Variants in RPL14 observed in about 807,000 individuals in gnomAD.
RPL14 encodes large ribosomal subunit protein eL14.
Under a neutral mutation model 25.3 loss-of-function variants are expected in RPL14, and 4 were observed. That is an observed-to-expected ratio of 0.16 (90% CI 0.08 to 0.36). RPL14 has a LOEUF of 0.36. RPL14 is among the 10% of genes least tolerant of loss of function. The pLI is 1.00. For synonymous variants in RPL14, 75 were observed against 89.8 expected (o/e 0.84, Z 0.93); for missense variants, 212 against 261.9 (o/e 0.81, Z 1.31).
intron 3 of RPL14, among the ~76,000 whole-genome samples, chr3:40,460,951 C>G (rs1414090143): frequency 6.6e-6 from 1 of 152,090 alleles, no homozygotes; most frequent in Non-Finnish European, 1.5e-5. Flanking sequence ...AATCCCAGCA[C>G]TTCAGGAGGC....
chr3:40,461,187 CCT>C (rs1353006769), intron 3 of RPL14, among the ~76,000 whole-genome samples: 2 of 150,678 alleles, frequency 1.3e-5, no homozygotes, highest in Admixed American at 1.3e-4. Flanking sequence ...CAAGCAAGAT[CCT>C]CTCTCAAAAA....
rs1373375501 is a variant in RPL14 at position 40,465,172 on chromosome 3, CG to C, written c.*2941del. ...GGGTAGGATGACAACAATCAAGAGA[CG>C]AATAGAGGTTGGAAAGGAGTCATGA... On this transcript the variant is annotated 3_prime_UTR_variant, in exon 6 of 6. Transcript: ENST00000396203. The C allele has an allele frequency of 2.6e-5, 4 of 151,436 alleles. No individual in the cohort carries two copies. The highest frequency in any genetic ancestry group is 1.3e-4 in the Admixed American group (2 of 15,194). The allele number at this position is 151,436 out of a possible 1,614,324, so 9.4% of individuals were successfully genotyped here. A position where few individuals can be genotyped will look rare whatever the true frequency, so the allele number is the denominator to read the frequency against.
Position 40,458,730 on chromosome 3 carries a change from C to T in RPL14, c.194C>T (p.Pro65Leu), listed in dbSNP as rs1171313476. The T allele has an allele frequency of 6.2e-7, 1 of 1,613,712 alleles. No individual in the cohort carries two copies. Reference protein sequence around the residue: ...MQLTDFILKFPHSAHQKYVRQ... With the variant: ...MQLTDFILKFLHSAHQKYVRQ... ...CTCACTGATTTCATCCTCAAGTTTC[C>T]GCACAGGTAACTGTCCACTAATCAC... Residue 65 changes from proline (P) to leucine (L), a missense_variant, in exon 3 of 6, where the codon CCG (proline) becomes CTG (leucine). Physicochemically the swap from Pro to Leu is moderately conservative, Grantham distance 98. Transcript: ENST00000396203.
At position 40,457,359 on chromosome 3, in the gene RPL14, A is replaced by T. The variant is rs146294993; in HGVS notation, c.-113A>T. ...TCTTCCTTCTCGCCTAACGCCGCCAACATGGTGAGTCTTACTGTTGCGGGC... is the reference window on the plus strand; with the variant it reads ...TCTTCCTTCTCGCCTAACGCCGCCATCATGGTGAGTCTTACTGTTGCGGGC... On this transcript the variant is annotated 5_prime_UTR_variant, in exon 1 of 6. Transcript: ENST00000396203. The T allele has an allele frequency of 1.2e-6, 2 of 1,607,094 alleles. No individual in the cohort carries two copies. The highest frequency in any genetic ancestry group is 8.5e-7 in the Non-Finnish European group (1 of 1,176,858).
intron 2 of RPL14, 185 bp downstream of exon 2, chr3:40,458,176 T>G: frequency 1.6e-6 from 1 of 610,582 alleles, no homozygotes; most frequent in African/African-American, 1.8e-5. Flanking sequence ...AGTATTGAAT[T>G]TCAGTATTAG....
chr3:40,459,976 A>G (rs1198751283), intron 3 of RPL14, among the ~76,000 whole-genome samples: 1 of 152,046 alleles, frequency 6.6e-6, no homozygotes, highest in African/African-American at 2.4e-5. Flanking sequence ...CACTTGAACA[A>G]CCTCGAGTGA....
In RPL14 at chr3:40,463,979, T is replaced by TC. The variant is rs1696990659; in HGVS notation, c.*1747_*1748insC. Reference sequence around the variant, plus strand: ...TGTACATGAAACAGGATTACTTTTTTTTTTTTTTTTGAGACAGAGCCTTAC... The same window carrying TC: ...TGTACATGAAACAGGATTACTTTTTTCTTTTTTTTTTGAGACAGAGCCTTAC... On this transcript the variant is annotated 3_prime_UTR_variant, in exon 6 of 6. Transcript: ENST00000396203. The TC allele has an allele frequency of 6.5e-6, 1 of 153,646 alleles. No homozygotes were observed. The highest frequency in any genetic ancestry group is 2.4e-5 in the African/African-American group (1 of 41,328). The allele number at this position is 153,646 out of a possible 1,614,324, so 9.5% of individuals were successfully genotyped here.
Position 40,468,067 on chromosome 3 carries a change from G to A in RPL14, c.*5835G>A, listed in dbSNP as rs1697053772. The A allele has an allele frequency of 6.6e-6, 1 of 152,172 alleles. No individual in the cohort carries two copies. Among genetic ancestry groups the A allele is most frequent in the African/African-American group, 2.4e-5 (1 of 41,452 alleles). 9.4% of individuals were successfully genotyped at this position (152,172 alleles called of 1,614,324 possible). ...GGGCATTTGAATGGGTAGACTGAGT[G>A]ATCCTGACCTCGTGATCCACTCCCC... On this transcript the variant is annotated 3_prime_UTR_variant, in exon 6 of 6. Coordinates refer to ENST00000396203, the MANE Select transcript of RPL14 (RefSeq NM_001034996.3).
intron 5 of RPL14, 103 bp downstream of exon 5, chr3:40,461,764 A>G (rs1054366325): frequency 5.3e-6 from 7 of 1,325,364 alleles, no homozygotes; most frequent in African/African-American, 1.5e-5. Context: ...AGCTTTCTGT[A>G]AAAAAGGAGA....
Position 40,463,432 on chromosome 3 carries a change from C to G in RPL14, c.*1200C>G, listed in dbSNP as rs1384674675. 3 of 152,270 alleles carry G rather than the reference C, an allele frequency of 2.0e-5. No individual in the cohort carries two copies. The highest frequency in any genetic ancestry group is 4.4e-5 in the Non-Finnish European group (3 of 68,102). The allele number at this position is 152,270 out of a possible 1,614,324, so 9.4% of individuals were successfully genotyped here. A position where few individuals can be genotyped will look rare whatever the true frequency, so the allele number is the denominator to read the frequency against. ...TGTTGGCCATGCTGGTCTCGAGCTCCTGACCTCAGGTGATACACCCGCCTT... is the reference window on the plus strand; with the variant it reads ...TGTTGGCCATGCTGGTCTCGAGCTCGTGACCTCAGGTGATACACCCGCCTT... On this transcript the variant is annotated 3_prime_UTR_variant, in exon 6 of 6. Transcript: ENST00000396203.
At chr3:40,459,840 CAG>C (rs1696905438) in intron 3 of RPL14, among the ~76,000 whole-genome samples, 1 of 116,120 alleles carries the variant, frequency 8.6e-6, no homozygotes, top group South Asian at 2.8e-4. Flanking sequence ...GCCTGGGTGA[CAG>C]AGCGAGACTC....
At chr3:40,458,063 C>A in intron 2 of RPL14, 72 bp downstream of exon 2, 1 of 1,286,002 alleles carries the variant, frequency 7.8e-7, no homozygotes, top group South Asian at 1.2e-5. Flanking sequence ...TGAATTGTCT[C>A]GATGGCTGTG....
rs370432028 is a variant in RPL14, at chr3:40,460,536, A to AC, written c.201-871_201-870insC. On this transcript the variant is annotated intron_variant, in intron 3 of 5. Transcript: ENST00000396203. ...CCCTGTCTCAAAAAAAGAAAAAAAA[A>AC]AAGAATGGTTTTCAACACGTCCACT... Among the ~76,000 whole-genome samples, 552 of 152,112 alleles carry AC rather than the reference A, an allele frequency of 3.6e-3. 2 individuals are homozygous for AC. Among genetic ancestry groups the AC allele is most frequent in the African/African-American group, 0.012 (517 of 41,488 alleles).
At chr3:40,460,674 C>T (rs148414935) in intron 3 of RPL14, among the ~76,000 whole-genome samples, 18 of 150,938 alleles carry the variant, frequency 1.2e-4, no homozygotes, top group Middle Eastern at 3.4e-3. Context: ...AGTGCAGTGA[C>T]GCAATCTTGA....
At position 40,458,938 on chromosome 3, in the gene RPL14, G is replaced by T; in HGVS notation, c.200+202G>T. 5.9e-6 allele frequency: 3 copies of T among 509,116 alleles called. No individual in the cohort carries two copies. The South Asian group carries it at 6.8e-5, about 11-fold the overall frequency. 31.5% of individuals were successfully genotyped at this position (509,116 alleles called of 1,614,324 possible). ...TGCCTGTAATCCCAGTACTTTGGGA[G>T]GCCACGGTGGGAGGGTCTCTTGAGC... On this transcript the variant is annotated intron_variant, in intron 3 of 5. Coordinates refer to ENST00000396203, the MANE Select transcript of RPL14 (RefSeq NM_001034996.3).
chr3:40,457,504 GA>G, intron 1 of RPL14, 30 bp downstream of exon 1: 1 of 1,508,516 alleles, frequency 6.6e-7, no homozygotes, highest in African/African-American at 1.4e-5. Context: ...CTGTGCAGCG[GA>G]ATCGGGCCCT....
rs547466308 is a variant in RPL14, at chr3:40,467,715, C to T, written c.*5483C>T. 2 of 152,332 alleles carry T rather than the reference C, an allele frequency of 1.3e-5. No homozygotes were observed. Among genetic ancestry groups the T allele is most frequent in the East Asian group, 1.9e-4 (1 of 5,194 alleles). The allele number at this position is 152,332 out of a possible 1,614,324, so 9.4% of individuals were successfully genotyped here. A position where few individuals can be genotyped will look rare whatever the true frequency, so the allele number is the denominator to read the frequency against. The stretch of plus-strand genomic sequence containing the variant: ...ACTAATCTACCTCATTCTTTTTTAT[C>T]TTCTGCATAATAATCCACAACATGA... On this transcript the variant is annotated 3_prime_UTR_variant, in exon 6 of 6. Coordinates refer to ENST00000396203, the MANE Select transcript of RPL14 (RefSeq NM_001034996.3).
chr3:40,458,869 G>T, intron 3 of RPL14, 133 bp downstream of exon 3: 1 of 702,890 alleles, frequency 1.4e-6, no homozygotes, highest in Non-Finnish European at 2.5e-6. Flanking sequence ...AAGTAGACAG[G>T]GATTATTTAC....
rs187859099 is a variant in RPL14, at chr3:40,464,750, C to T, written c.*2518C>T. Reference sequence around the variant, plus strand: ...ACAGTGGTAATGCCATTTAGGTGGTCTTGATCATGCATTGGACTGCAGAAA... The same window carrying T: ...ACAGTGGTAATGCCATTTAGGTGGTTTTGATCATGCATTGGACTGCAGAAA... On this transcript the variant is annotated 3_prime_UTR_variant, in exon 6 of 6. Transcript: ENST00000396203. The T allele has an allele frequency of 9.1e-5, 27 of 295,744 alleles. No individual in the cohort carries two copies. Among genetic ancestry groups the T allele is most frequent in the African/African-American group, 5.6e-4 (26 of 46,250 alleles). The allele number at this position is 295,744 out of a possible 1,614,324, so 18.3% of individuals were successfully genotyped here.
Sources: gnomAD v4.1 joint callset for allele counts (sites outside exome capture counted in the v4.1 genomes callset) on GRCh38, gnomAD v4.1.1 for gene constraint, MANE v1.5 for transcripts, NCBI Gene and HGNC (gene_info 2026-07-23, HGNC 2026-07-21) for gene names.